AKAP19: variants seen among roughly 807,000 people sequenced by gnomAD.
The protein encoded by AKAP19 is A-kinase anchoring protein 19.
At chr2:190,004,801 G>A in the AKAP19 span, among the ~76,000 whole-genome samples, 158 of 152,200 alleles carry the variant, frequency 1.0e-3, 1 homozygote, top group African/African-American at 3.3e-3. Context: ...ACACTCACAA[G>A]GGAAAGGCAC....
At chr2:190,030,825 G>C in the AKAP19 span, among the ~76,000 whole-genome samples, 11 of 152,298 alleles carry the variant, frequency 7.2e-5, no homozygotes, top group South Asian at 1.9e-3. Flanking sequence ...AGAGAAGCCA[G>C]CTGATCTTAC....
the AKAP19 span, among the ~76,000 whole-genome samples, chr2:189,994,762 C>A: frequency 6.6e-6 from 1 of 151,764 alleles, no homozygotes; most frequent in Non-Finnish European, 1.5e-5. Context: ...CCACACCCAG[C>A]TAATTTTTGT....
chr2:189,895,040 A>T, the AKAP19 span, among the ~76,000 whole-genome samples: 1 of 152,076 alleles, frequency 6.6e-6, no homozygotes, highest in Non-Finnish European at 1.5e-5. Flanking sequence ...TGAAAGAAAA[A>T]AAACAAAAAA....
chr2:190,075,631 G>A, the AKAP19 span, among the ~76,000 whole-genome samples: 1 of 152,004 alleles, frequency 6.6e-6, no homozygotes, highest in Non-Finnish European at 1.5e-5. Flanking sequence ...AATCAGCTTT[G>A]TCTGACATTA....
At chr2:190,048,086 T>C in the AKAP19 span, among the ~76,000 whole-genome samples, 1 of 152,200 alleles carries the variant, frequency 6.6e-6, no homozygotes, top group Non-Finnish European at 1.5e-5. Context: ...ATCATCATAC[T>C]GTTTTCGCAT....
At chr2:189,946,101 A>G in the AKAP19 span, among the ~76,000 whole-genome samples, 1 of 152,234 alleles carries the variant, frequency 6.6e-6, no homozygotes, top group Non-Finnish European at 1.5e-5. Context: ...AAATTACTCA[A>G]ACTTCCCAGG....
chr2:190,004,609 T>G, the AKAP19 span, among the ~76,000 whole-genome samples: 1 of 151,986 alleles, frequency 6.6e-6, no homozygotes. Flanking sequence ...AGCAACATGT[T>G]TTTCACACCT....
At chr2:190,199,701 A>G in the AKAP19 span, 3 of 1,447,126 alleles carry the variant, frequency 2.1e-6, no homozygotes, top group South Asian at 4.5e-5. Context: ...TGACAGGTAA[A>G]CACTACACGT....
chr2:190,103,739 T>C, the AKAP19 span, among the ~76,000 whole-genome samples: 27 of 152,258 alleles, frequency 1.8e-4, 1 homozygote, highest in East Asian at 5.2e-3. Flanking sequence ...GTAGAATAAA[T>C]ACTATTAAAA....
the AKAP19 span, among the ~76,000 whole-genome samples, chr2:190,029,854 C>G: frequency 2.0e-5 from 3 of 151,970 alleles, no homozygotes; most frequent in African/African-American, 7.3e-5. Flanking sequence ...ACAGACTGAG[C>G]GAGAGAATAT....
chr2:189,940,890 C>CA, the AKAP19 span, among the ~76,000 whole-genome samples: 1,720 of 148,704 alleles, frequency 0.012, 28 homozygotes, highest in African/African-American at 0.04. Context: ...GACTCCGTCT[C>CA]AAAAAAAAAA....
the AKAP19 span, among the ~76,000 whole-genome samples, chr2:190,159,686 G>T: frequency 6.5e-4 from 99 of 152,254 alleles, no homozygotes; most frequent in African/African-American, 2.3e-3. Flanking sequence ...AACAGAGCTT[G>T]CCAGTAGCTC....
chr2:189,977,116 A>C, the AKAP19 span, among the ~76,000 whole-genome samples: 12 of 152,266 alleles, frequency 7.9e-5, 1 homozygote, highest in East Asian at 1.7e-3. Flanking sequence ...GCCATCTTGG[A>C]ACTGCCCCCA....
At chr2:190,135,942 G>A in the AKAP19 span, among the ~76,000 whole-genome samples, 1 of 152,152 alleles carries the variant, frequency 6.6e-6, no homozygotes, top group Non-Finnish European at 1.5e-5. Context: ...GGAGGAAGTG[G>A]GAATTTGGAA....
chr2:190,142,346 T>A, the AKAP19 span, among the ~76,000 whole-genome samples: 1 of 152,242 alleles, frequency 6.6e-6, no homozygotes, highest in African/African-American at 2.4e-5. Flanking sequence ...AAAAGATCTC[T>A]GAGGACAGTG....
chr2:190,066,594 C>T, the AKAP19 span, among the ~76,000 whole-genome samples: 1 of 152,162 alleles, frequency 6.6e-6, no homozygotes, highest in East Asian at 1.9e-4. Context: ...ACTCACTTAA[C>T]ATCATGAGAA....
the AKAP19 span, among the ~76,000 whole-genome samples, chr2:190,046,026 T>C: frequency 6.6e-6 from 1 of 152,220 alleles, no homozygotes; most frequent in Non-Finnish European, 1.5e-5. Context: ...CACTCACTGC[T>C]TCCCTTGGTG....
chr2:190,010,804 G>A, the AKAP19 span, among the ~76,000 whole-genome samples: 1 of 152,072 alleles, frequency 6.6e-6, no homozygotes, highest in East Asian at 1.9e-4. Context: ...TGCTATGATA[G>A]ATGTATATAA....
At chr2:190,023,081 C>G in the AKAP19 span, among the ~76,000 whole-genome samples, 4 of 152,042 alleles carry the variant, frequency 2.6e-5, no homozygotes, top group Non-Finnish European at 5.9e-5. Flanking sequence ...GAAATGCTTC[C>G]AAACTGATAT....
Sources: allele counts gnomAD v4.1 joint callset (sites outside exome capture counted in the v4.1 genomes callset), GRCh38; gene constraint gnomAD v4.1.1; transcripts MANE v1.5; gene names NCBI Gene and HGNC (gene_info 2026-07-23, HGNC 2026-07-21).